The following ITIH5 variants were observed in gnomAD, a reference collection of about 807,000 sequenced individuals.
ITIH5 encodes inter-alpha-trypsin inhibitor heavy chain 5, also known as inter-alpha-trypsin inhibitor heavy chain H5.
ITIH5 carries 65 observed loss-of-function variants against 77.5 expected under a neutral mutation model. The ratio of observed to expected loss-of-function variants is 0.84; its 90% confidence interval spans 0.69 to 1.03. The LOEUF (loss-of-function observed/expected upper bound fraction) is 1.03. Ranked by LOEUF, ITIH5 falls within the 50% of genes least tolerant of loss-of-function variation. ITIH5 has a pLI of 0.00. For missense variants in ITIH5, 1,208 were observed against 1,213.1 expected, an observed-to-expected ratio of 1.00 and a Z score of 0.06; for synonymous variants, 525 against 494.3, an observed-to-expected ratio of 1.06 and a Z score of -0.82.
chr10:7,607,326 A>C (rs1833145031), intron 7 of ITIH5, among the ~76,000 whole-genome samples: 1 of 152,228 alleles, frequency 6.6e-6, no homozygotes, highest in African/African-American at 2.4e-5. Flanking sequence ...TCTTGCATCC[A>C]ACAGCAGAGT....
chr10:7,581,870 ATTTTTTTTT>A (rs34386089), intron 8 of ITIH5, among the ~76,000 whole-genome samples: 1 of 81,432 alleles, frequency 1.2e-5, no homozygotes, highest in Non-Finnish European at 2.3e-5. Context: ...CCACCCATGT[ATTTTTTTTT>A]TTTTTTTTTT....
At chr10:7,596,784 G>A (rs1214373414) in intron 7 of ITIH5, among the ~76,000 whole-genome samples, 1 of 152,018 alleles carries the variant, frequency 6.6e-6, no homozygotes, top group Non-Finnish European at 1.5e-5. Flanking sequence ...GCTCATGCCT[G>A]TAATCTTTGG....
chr10:7,582,228 T>C (rs1210726035), intron 8 of ITIH5, among the ~76,000 whole-genome samples: 3 of 152,116 alleles, frequency 2.0e-5, no homozygotes, highest in African/African-American at 7.2e-5. Context: ...ACAATTTAAG[T>C]TTGGGAGCAA....
chr10:7,655,621 A>G lies in ITIH5; in HGVS notation c.135+10T>C. On this transcript the variant is annotated intron_variant, in intron 2 of 13. Transcript: ENST00000397146. ...AATGGACTTTCAAGATGCACCATGA[A>G]TATACCTACCAGCCTCTGCAACAGT... The G allele has an allele frequency of 6.2e-7, 1 of 1,607,476 alleles. No homozygotes were observed. Among genetic ancestry groups the G allele is most frequent in the Non-Finnish European group, 8.5e-7 (1 of 1,174,004 alleles).
chr10:7,576,803 G>A lies in ITIH5; in HGVS notation c.1628C>T (p.Thr543Ile), dbSNP rs1588366454. ...SNSKKFIILK[T>I]DVPVRPQKAG... Reference sequence around the variant, plus strand: ...CTTCTGAGGCCGCACAGGCACATCTGTCTTCAGGATGATGAATTTCTTACT... The same window carrying A: ...CTTCTGAGGCCGCACAGGCACATCTATCTTCAGGATGATGAATTTCTTACT... Residue 543 changes from threonine to isoleucine, a missense_variant, in exon 10 of 14, where the codon ACA becomes ATA. Transcript: ENST00000397146. The A allele has an allele frequency of 1.2e-6, 2 of 1,614,212 alleles. No homozygotes were observed. The highest frequency in any genetic ancestry group is 1.3e-5 in the African/African-American group (1 of 75,062).
intron 5 of ITIH5, among the ~76,000 whole-genome samples, chr10:7,622,975 CA>C (rs1254785588): frequency 2.6e-5 from 4 of 152,186 alleles, no homozygotes; most frequent in Admixed American, 2.6e-4. Context: ...TTGAAGAGAA[CA>C]AAACATATGT....
chr10:7,604,908 G>A (rs1833092095), intron 7 of ITIH5, among the ~76,000 whole-genome samples: 2 of 152,012 alleles, frequency 1.3e-5, no homozygotes, highest in Admixed American at 1.3e-4. Context: ...TGCAACCTCT[G>A]CCTCCCGGGT....
chr10:7,627,700 A>G (rs190514090), intron 5 of ITIH5, among the ~76,000 whole-genome samples: 1 of 152,226 alleles, frequency 6.6e-6, no homozygotes, highest in East Asian at 1.9e-4. Flanking sequence ...ACCCACAGAG[A>G]ACAGCCAGAG....
At chr10:7,641,695 AG>A (rs1209984866) in intron 3 of ITIH5, among the ~76,000 whole-genome samples, 3 of 74,908 alleles carry the variant, frequency 4.0e-5, no homozygotes, top group African/African-American at 1.6e-4. Flanking sequence ...GGAGGGAGGG[AG>A]GGAGGGAGGG....
chr10:7,586,988 G>A (rs890922584), intron 7 of ITIH5, among the ~76,000 whole-genome samples: 2 of 152,132 alleles, frequency 1.3e-5, no homozygotes, highest in Non-Finnish European at 2.9e-5. Flanking sequence ...ACGCCACCAC[G>A]TCTGGCTAAT....
chr10:7,622,855 T>C (rs1385815820), intron 5 of ITIH5, among the ~76,000 whole-genome samples: 2 of 152,222 alleles, frequency 1.3e-5, no homozygotes, highest in East Asian at 3.8e-4. Flanking sequence ...TGCCACATTC[T>C]CCAAGGACTC....
chr10:7,625,634 G>T (rs11255252), intron 5 of ITIH5, among the ~76,000 whole-genome samples: 1 of 151,684 alleles, frequency 6.6e-6, no homozygotes, highest in Non-Finnish European at 1.5e-5. Flanking sequence ...GCCTGGTGGC[G>T]TGAGCTTGTA....
At chr10:7,615,910 T>C in intron 7 of ITIH5, 72 bp downstream of exon 7, 1 of 959,710 alleles carries the variant, frequency 1.0e-6, no homozygotes, top group Admixed American at 1.7e-5. Flanking sequence ...CTACCGAACT[T>C]TATTCGCAAA....
rs1235919541 is a variant in ITIH5, at chr10:7,644,780, ACATATATAT to A, written c.136-2699_136-2691del. On this transcript the variant is annotated intron_variant, in intron 2 of 13. Transcript: ENST00000397146. ...ATATCACATATATATCATATATATC[ACATATATAT>A]CATATATATCATATATATCACATAT... Among the ~76,000 whole-genome samples, 100 of 139,534 alleles carry A rather than the reference ACATATATAT, an allele frequency of 7.2e-4. 3 individuals carry two copies. The highest frequency in any genetic ancestry group is 1.1e-3 in the Non-Finnish European group (72 of 66,032). The allele number at this position is 139,534 out of a possible 152,430, so 91.5% of individuals were successfully genotyped here.
intron 2 of ITIH5, among the ~76,000 whole-genome samples, chr10:7,651,298 C>T (rs965618476): frequency 1.3e-5 from 2 of 152,078 alleles, no homozygotes; most frequent in Non-Finnish European, 2.9e-5. Context: ...AACTCATGCA[C>T]CTCGGCTGGG....
intron 12 of ITIH5, among the ~76,000 whole-genome samples, chr10:7,567,580 C>T (rs1180608690): frequency 6.6e-6 from 1 of 151,208 alleles, no homozygotes; most frequent in Non-Finnish European, 1.5e-5. Context: ...TGAGTGAGAA[C>T]ATGCGGTGTT....
chr10:7,615,921 G>T, intron 7 of ITIH5, 61 bp downstream of exon 7: 2 of 1,040,558 alleles, frequency 1.9e-6, no homozygotes, highest in Non-Finnish European at 3.0e-6. Context: ...TATTCGCAAA[G>T]CAAGTCATTG....
At chr10:7,665,092 AT>A (rs796794341) in intron 1 of ITIH5, among the ~76,000 whole-genome samples, 4 of 152,192 alleles carry the variant, frequency 2.6e-5, no homozygotes, top group African/African-American at 4.8e-5. Flanking sequence ...TATACCTTGG[AT>A]TTTTTTTCCT....
intron 11 of ITIH5, among the ~76,000 whole-genome samples, chr10:7,571,188 T>C (rs1457092053): frequency 6.6e-5 from 10 of 152,116 alleles, no homozygotes; most frequent in Non-Finnish European, 1.2e-4. Context: ...GCTGGTCTTT[T>C]GCTGATGGGG....
Sources: allele counts gnomAD v4.1 joint callset (sites outside exome capture counted in the v4.1 genomes callset), GRCh38; gene constraint gnomAD v4.1.1; transcripts MANE v1.5; gene names NCBI Gene and HGNC (gene_info 2026-07-23, HGNC 2026-07-21).